Variants in SPRYD3 observed in about 807,000 individuals in gnomAD.
SPRYD3 encodes SPRY domain-containing protein 3.
In SPRYD3, 17 loss-of-function variants were observed where a neutral mutation model predicts 50.1. That is an observed-to-expected ratio of 0.34 (90% CI 0.23 to 0.51). The LOEUF (loss-of-function observed/expected upper bound fraction) is 0.51. Among genes scored for constraint, SPRYD3 ranks in the 20% least tolerant of loss-of-function variants. SPRYD3 has a pLI of 0.97. For synonymous variants in SPRYD3, 198 were observed against 215.5 expected (o/e 0.92, Z 0.71); for missense variants, 401 against 591.2 (o/e 0.68, Z 3.34).
chr12:53,075,893 C>T (rs1944584609), intron 2 of SPRYD3, 82 bp from the exon 3 acceptor site: 3 of 1,034,064 alleles, frequency 2.9e-6, no homozygotes. Flanking sequence ...CCACCCTTAC[C>T]CTGCAAGGGC....
At chr12:53,071,405 T>C (rs1944548718) in intron 6 of SPRYD3, among the ~76,000 whole-genome samples, 1 of 152,136 alleles carries the variant, frequency 6.6e-6, no homozygotes, top group African/African-American at 2.4e-5. Flanking sequence ...TACCTCACTT[T>C]GCGAGGCCTG....
At position 53,068,313 on chromosome 12, in the gene SPRYD3, G is replaced by T. The variant is rs1344290097; in HGVS notation, c.694-9C>A. On this transcript the variant is annotated splice_polypyrimidine_tract_variant and intron_variant, in intron 6 of 10. Transcript: ENST00000301463. Reference sequence around the variant, plus strand: ...CCTAAGTACTCCAGCAGCTGTGGGGGAAGAGCCAGATGGGGGTCAGGGGAC... The same window carrying T: ...CCTAAGTACTCCAGCAGCTGTGGGGTAAGAGCCAGATGGGGGTCAGGGGAC... 3 of 1,613,506 alleles carry T rather than the reference G, an allele frequency of 1.9e-6. No homozygotes were observed. The highest frequency in any genetic ancestry group is 2.2e-5 in the East Asian group (1 of 44,880).
At position 53,075,781 on chromosome 12, in the gene SPRYD3, G is replaced by A; in HGVS notation, c.201C>T (p.Cys67=). The change falls in exon 3 of 11, where the codon TGC becomes TGT. Residue 67 remains cysteine (C), a synonymous_variant. Coordinates refer to ENST00000301463, the MANE Select transcript of SPRYD3 (RefSeq NM_032840.3). ...TGGTCAGGGGTCGAGAAGCCACGTA[G>A]CAGCCAACTTCACCAGAGTTTCCAT... ...SYHGNSGEVG[C]YVASRPLTKD... 2 of 1,614,064 alleles carry A rather than the reference G, an allele frequency of 1.2e-6. No individual in the cohort carries two copies. Among genetic ancestry groups the A allele is most frequent in the Non-Finnish European group, 8.5e-7 (1 of 1,179,984 alleles).
intron 7 of SPRYD3, 28 bp downstream of exon 7, chr12:53,068,127 A>G (rs912859634): frequency 4.3e-6 from 7 of 1,613,730 alleles, no homozygotes; most frequent in Admixed American, 1.7e-5. Context: ...CAGCTCCATG[A>G]GCAAAAAAGC....
intron 6 of SPRYD3, among the ~76,000 whole-genome samples, chr12:53,072,866 C>T (rs1403853800): frequency 1.3e-5 from 2 of 152,194 alleles, no homozygotes; most frequent in Non-Finnish European, 2.9e-5. Flanking sequence ...AAGAACCTTC[C>T]ACCACATGTG....
At chr12:53,077,452 G>A (rs1407091884) in intron 1 of SPRYD3, among the ~76,000 whole-genome samples, 191 bp from the exon 2 acceptor site, 1 of 152,228 alleles carries the variant, frequency 6.6e-6, no homozygotes, top group Non-Finnish European at 1.5e-5. Flanking sequence ...TTTTCTCCGT[G>A]CTAGGGATGG....
At chr12:53,075,643 C>T (rs1944582592) in intron 3 of SPRYD3, 93 bp downstream of exon 3, 1 of 1,018,394 alleles carries the variant, frequency 9.8e-7, no homozygotes, top group Admixed American at 1.9e-5. Context: ...ATTAAAAGGC[C>T]CAGGTCATAC....
chr12:53,066,156 C>A (rs910935181), intron 10 of SPRYD3, among the ~76,000 whole-genome samples, 158 bp downstream of exon 10: 10 of 152,200 alleles, frequency 6.6e-5, no homozygotes, highest in Non-Finnish European at 1.3e-4. Flanking sequence ...CCAAGACCGT[C>A]TCCCGATCTC....
In SPRYD3 at chr12:53,078,676, G is replaced by T. The variant is rs188380509; in HGVS notation, c.23+635C>A. Among the ~76,000 whole-genome samples the T allele has an allele frequency of 1.4e-3, 212 of 152,188 alleles. 1 individual carries two copies. Among genetic ancestry groups the T allele is most frequent in the Non-Finnish European group, 2.4e-3 (160 of 67,996 alleles). On this transcript the variant is annotated intron_variant, in intron 1 of 10. Coordinates refer to ENST00000301463, the MANE Select transcript of SPRYD3 (RefSeq NM_032840.3). ...CGATGGATGGGGGTGGGATGATCCA[G>T]GTATTTAAACAACCATCAGTCCCTA...
intron 4 of SPRYD3, 47 bp downstream of exon 4, chr12:53,075,048 T>C (rs1231627823): frequency 6.3e-7 from 1 of 1,598,296 alleles, no homozygotes; most frequent in East Asian, 2.3e-5. Flanking sequence ...GATCTAAGAT[T>C]CCCAAATTCA....
intron 1 of SPRYD3, 32 bp downstream of exon 1, chr12:53,079,279 C>A: frequency 6.3e-7 from 1 of 1,595,316 alleles, no homozygotes; most frequent in Non-Finnish European, 8.5e-7. Flanking sequence ...AGATACGAGG[C>A]CTCCGGGACC....
chr12:53,070,525 C>A (rs752799523), intron 6 of SPRYD3, among the ~76,000 whole-genome samples: 3 of 152,176 alleles, frequency 2.0e-5, no homozygotes, highest in Non-Finnish European at 2.9e-5. Flanking sequence ...GGGTTCAAAT[C>A]CTAACTCCTA....
chr12:53,074,651 G>A lies in SPRYD3; in HGVS notation c.505C>T (p.Arg169Trp). The change falls in exon 5 of 11, where the codon CGG becomes TGG. Residue 169 changes from arginine to tryptophan, a missense_variant and splice_region_variant. Transcript: ENST00000301463. This position sits in a 1 kb window ranked among gnomAD's most constrained non-coding sequence, Gnocchi z 4.6. Reference sequence around the variant, plus strand: ...TCCCACCACTATTTCCCACTCACCCGCTTCCCATTTTTGGTGAAGAAGATC... The same window carrying A: ...TCCCACCACTATTTCCCACTCACCCACTTCCCATTTTTGGTGAAGAAGATC... Reference protein sequence around the residue: ...AQIFFTKNGKRVGSTIMPMSP... With the variant: ...AQIFFTKNGKWVGSTIMPMSP... 1.2e-6 allele frequency: 2 copies of A among 1,614,210 alleles called. No homozygotes were observed. Among genetic ancestry groups the A allele is most frequent in the South Asian group, 1.1e-5 (1 of 91,084 alleles).
chr12:53,068,657 T>C (rs1944528086), intron 6 of SPRYD3, among the ~76,000 whole-genome samples: 3 of 151,832 alleles, frequency 2.0e-5, no homozygotes, highest in Admixed American at 2.0e-4. Flanking sequence ...CTGGGAAAGG[T>C]CCGCCCAGGG....
At chr12:53,076,718 C>T (rs1230231614) in intron 2 of SPRYD3, among the ~76,000 whole-genome samples, 1 of 152,008 alleles carries the variant, frequency 6.6e-6, no homozygotes, top group Non-Finnish European at 1.5e-5. Context: ...GGCCTCTGGG[C>T]GGGTGGATCA....
chr12:53,070,324 G>T (rs1944540585), intron 6 of SPRYD3, among the ~76,000 whole-genome samples: 1 of 152,188 alleles, frequency 6.6e-6, no homozygotes, highest in Non-Finnish European at 1.5e-5. Context: ...CCTTCCCAGA[G>T]AACTCAGAGG....
Position 53,065,706 on chromosome 12 carries a change from G to C in SPRYD3, c.*126C>G. On this transcript the variant is annotated 3_prime_UTR_variant, in exon 11 of 11. Coordinates refer to ENST00000301463, the MANE Select transcript of SPRYD3 (RefSeq NM_032840.3). Reference sequence around the variant, plus strand: ...AAGCGTGACAGGGGCCTGAGCCAGTGGGGGCAGAGTGACTACACACCTCCA... The same window carrying C: ...AAGCGTGACAGGGGCCTGAGCCAGTCGGGGCAGAGTGACTACACACCTCCA... The C allele has an allele frequency of 1.0e-6, 1 of 984,710 alleles. No homozygotes were observed. Among genetic ancestry groups the C allele is most frequent in the Non-Finnish European group, 1.5e-6 (1 of 652,272 alleles). The allele number at this position is 984,710 out of a possible 1,614,324, so 61.0% of individuals were successfully genotyped here.
chr12:53,074,694 A>G lies in SPRYD3; in HGVS notation c.462T>C (p.Phe154=). 2 of 1,614,282 alleles carry G rather than the reference A, an allele frequency of 1.2e-6. No individual in the cohort carries two copies. Among genetic ancestry groups the G allele is most frequent in the South Asian group, 2.2e-5 (2 of 91,090 alleles). Residue 154 remains phenylalanine (F), a synonymous_variant, in exon 5 of 11, where the codon TTT becomes TTC. Transcript: ENST00000301463. The surrounding 1 kb of genome is among the most constrained non-coding windows in gnomAD (Gnocchi z 4.6). ...RIGCGIEPVS[F]DVQTAQIFFT... ...AGAAGATCTGGGCGGTCTGCACATCAAAGGACACAGGCTCAATGCCACAGC... is the reference window on the plus strand; with the variant it reads ...AGAAGATCTGGGCGGTCTGCACATCGAAGGACACAGGCTCAATGCCACAGC...
chr12:53,074,946 C>A lies in SPRYD3; in HGVS notation c.371+149G>T. ...GCATCACCCTCCTCTAGTCTGTAAG[C>A]CTTCAAGGGTGCTGCCAGGCCACTT... On this transcript the variant is annotated intron_variant, in intron 4 of 10. Coordinates refer to ENST00000301463, the MANE Select transcript of SPRYD3 (RefSeq NM_032840.3). The surrounding 1 kb of genome is among the most constrained non-coding windows in gnomAD (Gnocchi z 4.6). The A allele has an allele frequency of 7.4e-7, 1 of 1,350,536 alleles. No individual in the cohort carries two copies. The highest frequency in any genetic ancestry group is 1.3e-5 in the South Asian group (1 of 76,536). 83.7% of individuals were successfully genotyped at this position (1,350,536 alleles called of 1,614,324 possible).
Sources: gnomAD v4.1 joint callset for allele counts (sites outside exome capture counted in the v4.1 genomes callset) on GRCh38, gnomAD v4.1.1 for gene constraint, Gnocchi (gnomAD v3.1) non-coding constraint, MANE v1.5 for transcripts, NCBI Gene and HGNC (gene_info 2026-07-23, HGNC 2026-07-21) for gene names.